Variants in GOLGA6L7 observed in about 807,000 individuals in gnomAD.
GOLGA6L7 encodes the protein golgin A6 family like 7.
A neutral mutation model predicts 68.9 loss-of-function variants in GOLGA6L7; 29 were observed. The ratio of observed to expected loss-of-function variants is 0.42; its 90% CI spans 0.31 to 0.57. The LOEUF (loss-of-function observed/expected upper bound fraction) is 0.57. Among genes scored for constraint, GOLGA6L7 ranks in the 20% least tolerant of loss-of-function variants. The pLI is 0.13. For missense variants in GOLGA6L7, 396 were observed against 588.4 expected, an observed-to-expected ratio of 0.67 and a Z score of 3.38; for synonymous variants, 133 against 197.4, an observed-to-expected ratio of 0.67 and a Z score of 2.73.
At position 28,842,535 on chromosome 15, in the gene GOLGA6L7, C is replaced by T. The variant is rs2030228076; in HGVS notation, c.1569G>A (p.Gln523=). The T allele has an allele frequency of 4.0e-6, 5 of 1,240,608 alleles. 1 individual carries two copies. In the Admixed American group the frequency reaches 1.2e-4, roughly 30 times the overall value. 76.9% of individuals were successfully genotyped at this position (1,240,608 alleles called of 1,614,324 possible). ...MQEEEEKIRR[Q]VEKRREKKER... ...CCTTCTTCTCCCGCCTCTTCTCCAC[C>T]TGCCTCCGGATCTTCTCCTCCTCCT... The change falls in exon 9 of 9, where the codon CAG becomes CAA. Residue 523 remains glutamine (Q), a synonymous_variant. Transcript: ENST00000567390.
Position 28,845,902 on chromosome 15 carries a change from C to G in GOLGA6L7, c.259G>C (p.Glu87Gln), listed in dbSNP as rs574611233. ...GGAACTTCACACCCTCCACTCACCT[C>G]TAGCTGCCTCCTTAGGGCTTGCTGA... ...QHQQALRRQL[E>Q]AQDHTIRILM... is the part of the protein sequence containing the mutation. The change falls in exon 4 of 9, where the codon GAG becomes CAG. Residue 87 changes from glutamate to glutamine, a missense_variant and splice_region_variant. Physicochemically the swap from Glu to Gln is conservative, Grantham distance 29. Coordinates refer to ENST00000567390, the MANE Select transcript of GOLGA6L7 (RefSeq NM_001365371.2). 1.9e-4 allele frequency: 242 copies of G among 1,266,688 alleles called. 2 individuals are homozygous for G. The highest frequency in any genetic ancestry group is 1.8e-3 in the African/African-American group (119 of 67,726). 78.5% of individuals were successfully genotyped at this position (1,266,688 alleles called of 1,614,324 possible). A position where few individuals can be genotyped will look rare whatever the true frequency, so the allele number is the denominator to read the frequency against.
Position 28,842,391 on chromosome 15 carries a change from G to C in GOLGA6L7, c.1713C>G (p.Ala571=). 1 of 1,221,272 alleles carries C rather than the reference G, an allele frequency of 8.2e-7. No individual in the cohort carries two copies. Among genetic ancestry groups the C allele is most frequent in the Non-Finnish European group, 1.0e-6 (1 of 974,144 alleles). The allele number at this position is 1,221,272 out of a possible 1,614,324, so 75.7% of individuals were successfully genotyped here. Residue 571 remains alanine, a synonymous_variant, in exon 9 of 9, where the codon GCC becomes GCG. Transcript: ENST00000567390. ...GGTTGTCATGGGAATAACCCTTCCCGGCCTCTCGTGCAGGCTCCAGGCTGC... is the reference window on the plus strand; with the variant it reads ...GGTTGTCATGGGAATAACCCTTCCCCGCCTCTCGTGCAGGCTCCAGGCTGC... ...HPGSLEPARE[A]GKGYSHDNRT...
chr15:28,847,004 T>C lies in GOLGA6L7; in HGVS notation c.180+60A>G, dbSNP rs1419136808. On this transcript the variant is annotated intron_variant, in intron 2 of 8. Transcript: ENST00000567390. ...GTTCTTCCTTCCACAATCTTAACAG[T>C]TACCCTCGACCTCCCCCTTGTGCCC... The C allele has an allele frequency of 3.6e-6, 3 of 826,808 alleles. No homozygotes were observed. The Admixed American group carries it at 6.2e-5, about 17-fold the overall frequency. 51.2% of individuals were successfully genotyped at this position (826,808 alleles called of 1,614,324 possible). A position where few individuals can be genotyped will look rare whatever the true frequency, so the allele number is the denominator to read the frequency against.
intron 1 of GOLGA6L7, 26 bp downstream of exon 1, chr15:28,848,473 G>T (rs1457077556): frequency 1.4e-6 from 1 of 702,244 alleles, no homozygotes; most frequent in South Asian, 1.5e-5. Context: ...GTTGGGGTTG[G>T]GGTGCTGCAA....
At chr15:28,846,170 C>T (rs1220000723) in intron 3 of GOLGA6L7, 50 bp downstream of exon 3, 7 of 721,840 alleles carry the variant, frequency 9.7e-6, no homozygotes, top group Admixed American at 2.0e-5. Flanking sequence ...CATCTGAGTG[C>T]CCCCCAAACC....
At chr15:28,847,251 C>G in intron 1 of GOLGA6L7, 59 bp from the exon 2 acceptor site, 1 of 994,266 alleles carries the variant, frequency 1.0e-6, no homozygotes, top group Non-Finnish European at 1.5e-6. Flanking sequence ...AGTCACTTTA[C>G]AGTTTATACA....
Position 28,842,599 on chromosome 15 carries a change from T to A in GOLGA6L7, c.1505A>T (p.Lys502Met). 1.5e-6 allele frequency: 2 copies of A among 1,294,914 alleles called. No individual in the cohort carries two copies. Among genetic ancestry groups the A allele is most frequent in the Admixed American group, 3.7e-5 (1 of 27,042 alleles). The allele number at this position is 1,294,914 out of a possible 1,614,324, so 80.2% of individuals were successfully genotyped here. A position where few individuals can be genotyped will look rare whatever the true frequency, so the allele number is the denominator to read the frequency against. Residue 502 changes from lysine (K) to methionine (M), a missense_variant, in exon 9 of 9, where the codon AAG (lysine) becomes ATG (methionine). Lys to Met is a moderately conservative substitution (Grantham distance 95). Transcript: ENST00000567390. ...ATACTCATCCCACAGCCTCTCCTCC[T>A]TGAATTGCAGCCTCTCCACCTGCTT... is the stretch of plus-strand genomic sequence containing the variant. Reference protein sequence around the residue: ...MRKQVERLQFKEERLWDEYEK... With the variant: ...MRKQVERLQFMEERLWDEYEK...
chr15:28,844,088 G>C, intron 7 of GOLGA6L7, 117 bp downstream of exon 7: 1 of 566,668 alleles, frequency 1.8e-6, no homozygotes. Flanking sequence ...GAGCTTCCCT[G>C]CACACACATG....
chr15:28,848,376 G>A (rs1378305719), intron 1 of GOLGA6L7, 123 bp downstream of exon 1: 4 of 617,176 alleles, frequency 6.5e-6, no homozygotes, highest in East Asian at 2.8e-5. Flanking sequence ...GGAGCCCAGA[G>A]GCACTGGGGG....
intron 6 of GOLGA6L7, chr15:28,844,975 T>C (rs552168247): frequency 5.3e-6 from 1 of 187,120 alleles, no homozygotes; most frequent in Non-Finnish European, 1.1e-5. Context: ...AATTAATCCT[T>C]TGTTGATTTT....
rs1394768048 is a variant in GOLGA6L7 at position 28,843,155 on chromosome 15, C to G, written c.949G>C (p.Glu317Gln). 1.7e-6 allele frequency: 2 copies of G among 1,191,548 alleles called. No homozygotes were observed. The highest frequency in any genetic ancestry group is 7.6e-5 in the Admixed American group (2 of 26,240). The allele number at this position is 1,191,548 out of a possible 1,614,324, so 73.8% of individuals were successfully genotyped here. A position where few individuals can be genotyped will look rare whatever the true frequency, so the allele number is the denominator to read the frequency against. The change falls in exon 9 of 9, where the codon GAG becomes CAG. Residue 317 changes from glutamate to glutamine, a missense_variant. By Grantham distance (29) the Glu-to-Gln change is conservative. Coordinates refer to ENST00000567390, the MANE Select transcript of GOLGA6L7 (RefSeq NM_001365371.2). ...RKQEEQMRKQ[E>Q]EQMRKQEEQM... ...TCCTCCTGCTTCCGCATCTGCTCCT[C>G]CTGCTTCCGCATCTGCTCCTCCTGC... is the stretch of plus-strand genomic sequence containing the variant.
At chr15:28,846,578 A>C (rs1415900778) in intron 2 of GOLGA6L7, among the ~76,000 whole-genome samples, 2 of 152,030 alleles carry the variant, frequency 1.3e-5, no homozygotes, top group Non-Finnish European at 2.9e-5. Flanking sequence ...ACAAGCATTG[A>C]GCAAGCACAT....
Position 28,842,462 on chromosome 15 carries a change from G to T in GOLGA6L7, c.1642C>A (p.Pro548Thr), listed in dbSNP as rs2030224010. The T allele has an allele frequency of 5.3e-6, 6 of 1,131,792 alleles. No homozygotes were observed. The South Asian group carries it at 1.6e-4, about 30-fold the overall frequency. The allele number at this position is 1,131,792 out of a possible 1,614,324, so 70.1% of individuals were successfully genotyped here. The change falls in exon 9 of 9, where the codon CCC (proline) becomes ACC (threonine). Residue 548 changes from proline (P) to threonine (T), a missense_variant. This residue lies in a region of GOLGA6L7 where 125 missense variants were observed against 163.3 expected (regional missense o/e 0.77). Transcript: ENST00000567390. Reference protein sequence around the residue: ...EKTQEERCSEPCLPPSKYPSD... With the variant: ...EKTQEERCSETCLPPSKYPSD... Reference sequence around the variant, plus strand: ...GGATATTTGGAGGGAGGGAGGCAGGGCTCTGAGCACCGCTCCTCCTGCGTC... The same window carrying T: ...GGATATTTGGAGGGAGGGAGGCAGGTCTCTGAGCACCGCTCCTCCTGCGTC...
At chr15:28,844,097 T>G (rs1347832957) in intron 7 of GOLGA6L7, 108 bp downstream of exon 7, 1 of 549,446 alleles carries the variant, frequency 1.8e-6, no homozygotes, top group Admixed American at 3.2e-5. Context: ...TGCACACACA[T>G]GTAAACCTGT....
Position 28,842,404 on chromosome 15 carries a change from G to C in GOLGA6L7, c.1700C>G (p.Pro567Arg). 8.3e-7 allele frequency: 1 copy of C among 1,206,376 alleles called. No individual in the cohort carries two copies. The highest frequency in any genetic ancestry group is 1.0e-6 in the Non-Finnish European group (1 of 959,956). 74.7% of individuals were successfully genotyped at this position (1,206,376 alleles called of 1,614,324 possible). The part of the protein sequence containing the change: ...SDMSHPGSLE[P>R]AREAGKGYSH... ...ATAACCCTTCCCGGCCTCTCGTGCA[G>C]GCTCCAGGCTGCCAGGGTGGCTCAT... The change falls in exon 9 of 9, where the codon CCT becomes CGT. Residue 567 changes from proline to arginine, a missense_variant. Pro to Arg is a moderately radical substitution (Grantham distance 103). Transcript: ENST00000567390.
In GOLGA6L7 at chr15:28,842,943, C is replaced by T. The variant is rs2030256729; in HGVS notation, c.1161G>A (p.Glu387=). Residue 387 remains glutamate (E), a synonymous_variant, in exon 9 of 9, where the codon GAG becomes GAA. Coordinates refer to ENST00000567390, the MANE Select transcript of GOLGA6L7 (RefSeq NM_001365371.2). ...RKQEEQMWKQ[E]EQIGEQEEQM... ...GCTCCTCCTGCTCCCCTATCTGCTC[C>T]TCCTGCTTCCACATCTGCTCCTCCT... 2 of 1,203,500 alleles carry T rather than the reference C, an allele frequency of 1.7e-6. No homozygotes were observed. Among genetic ancestry groups the T allele is most frequent in the Non-Finnish European group, 2.0e-6 (2 of 986,698 alleles). 74.6% of individuals were successfully genotyped at this position (1,203,500 alleles called of 1,614,324 possible).
chr15:28,846,301 C>A (rs566449364), intron 2 of GOLGA6L7, 52 bp from the exon 3 acceptor site: 12 of 755,668 alleles, frequency 1.6e-5, no homozygotes, highest in African/African-American at 1.5e-4. Flanking sequence ...CGACTCTATT[C>A]CCCAGGCCAG....
At position 28,845,793 on chromosome 15, in the gene GOLGA6L7, G is replaced by A. The variant is rs534697172; in HGVS notation, c.280C>T (p.Arg94Ter). ...TCAGTTTTCTGACACATAAGGATTCGTATGGTATGATCCTGGGCCTTTGGG... is the reference window on the plus strand; with the variant it reads ...TCAGTTTTCTGACACATAAGGATTCATATGGTATGATCCTGGGCCTTTGGG... ...RQLEAQDHTI[R>*]ILMCQKTELE... The change falls in exon 5 of 9, where the codon CGA becomes TGA. Residue 94 changes from arginine (R) to a stop codon, truncating the protein, a stop_gained. Transcript: ENST00000567390. LOFTEE classifies it high-confidence loss of function. 1.9e-5 allele frequency: 16 copies of A among 837,182 alleles called. No homozygotes were observed. The highest frequency in any genetic ancestry group is 5.0e-5 in the African/African-American group (3 of 60,026). 51.9% of individuals were successfully genotyped at this position (837,182 alleles called of 1,614,324 possible). A position where few individuals can be genotyped will look rare whatever the true frequency, so the allele number is the denominator to read the frequency against.
In GOLGA6L7 at chr15:28,846,210, A is replaced by G; in HGVS notation, c.210+10T>C. On this transcript the variant is annotated intron_variant, in intron 3 of 8. Coordinates refer to ENST00000567390, the MANE Select transcript of GOLGA6L7 (RefSeq NM_001365371.2). Reference sequence around the variant, plus strand: ...GGTCATGTCGTGAGCAAAGAAAGAAACCATGTTACCTCTTTCAGCTGAGCT... The same window carrying G: ...GGTCATGTCGTGAGCAAAGAAAGAAGCCATGTTACCTCTTTCAGCTGAGCT... The G allele has an allele frequency of 6.6e-6, 5 of 758,840 alleles. No individual in the cohort carries two copies. The highest frequency in any genetic ancestry group is 5.6e-5 in the South Asian group (4 of 71,424). 47.0% of individuals were successfully genotyped at this position (758,840 alleles called of 1,614,324 possible). A position where few individuals can be genotyped will look rare whatever the true frequency, so the allele number is the denominator to read the frequency against.
Sources: allele counts gnomAD v4.1 joint callset (sites outside exome capture counted in the v4.1 genomes callset), GRCh38; gene constraint gnomAD v4.1.1; regional missense constraint gnomAD v4.1.1; transcripts MANE v1.5; gene names NCBI Gene and HGNC (gene_info 2026-07-23, HGNC 2026-07-21).